The following KCNIP4 variants were observed in gnomAD, a reference collection of about 807,000 sequenced individuals.
KCNIP4 encodes Kv channel-interacting protein 4.
A neutral mutation model predicts 34.0 loss-of-function variants in KCNIP4; 12 were observed. The ratio of observed to expected loss-of-function variants is 0.35; its 90% CI spans 0.23 to 0.57. KCNIP4 has a LOEUF of 0.57. Ranked by LOEUF, KCNIP4 falls within the 20% of genes least tolerant of loss-of-function variation. The probability of loss-of-function intolerance (pLI) is 0.83; values close to 1 mark genes in which losing one functional copy is unlikely to be tolerated. For missense variants in KCNIP4, 238 were observed against 311.7 expected (o/e 0.76, Z 1.78); for synonymous variants, 124 against 102.2 (o/e 1.21, Z -1.29).
At chr4:21,480,048 C>T (rs1278794449) in intron 1 of KCNIP4, among the ~76,000 whole-genome samples, 1 of 151,200 alleles carries the variant, frequency 6.6e-6, no homozygotes, top group Non-Finnish European at 1.5e-5. Flanking sequence ...AATTTGAAAG[C>T]AGATGAATTT....
intron 1 of KCNIP4, among the ~76,000 whole-genome samples, chr4:21,571,090 G>C (rs2109052202): frequency 6.6e-6 from 1 of 152,256 alleles, no homozygotes; most frequent in Non-Finnish European, 1.5e-5. Flanking sequence ...CAAGACTCAA[G>C]TGCCACCTGG....
chr4:21,383,239 G>T (rs988387917), intron 1 of KCNIP4, among the ~76,000 whole-genome samples: 1 of 152,080 alleles, frequency 6.6e-6, no homozygotes, highest in African/African-American at 2.4e-5. Context: ...AATTTCTGGT[G>T]TTTATGCCAC....
At chr4:21,815,348 G>A (rs1180539048) in intron 1 of KCNIP4, among the ~76,000 whole-genome samples, 3 of 152,152 alleles carry the variant, frequency 2.0e-5, no homozygotes, top group Non-Finnish European at 4.4e-5. Context: ...AAGAACATAT[G>A]TGATAATGTA....
chr4:20,936,642 T>A (rs918200334), intron 1 of KCNIP4, among the ~76,000 whole-genome samples: 1 of 152,134 alleles, frequency 6.6e-6, no homozygotes, highest in Non-Finnish European at 1.5e-5. Context: ...ACTCTCCATA[T>A]CCTATGAGTC....
At chr4:20,807,460 C>T (rs1217336175) in intron 3 of KCNIP4, among the ~76,000 whole-genome samples, 4 of 151,802 alleles carry the variant, frequency 2.6e-5, no homozygotes, top group Non-Finnish European at 5.9e-5. Flanking sequence ...CCATAAGACC[C>T]ATGAGTTGAG....
intron 1 of KCNIP4, among the ~76,000 whole-genome samples, chr4:21,751,146 A>G (rs1717124366): frequency 6.6e-6 from 1 of 152,186 alleles, no homozygotes; most frequent in Non-Finnish European, 1.5e-5. Context: ...TCCAAAGACC[A>G]AACATCCCCT....
chr4:20,965,056 G>T (rs1046921004), intron 1 of KCNIP4, among the ~76,000 whole-genome samples: 4 of 152,152 alleles, frequency 2.6e-5, no homozygotes, highest in Non-Finnish European at 2.9e-5. Context: ...ACATAAGAAT[G>T]TAATTAAGTT....
intron 1 of KCNIP4, among the ~76,000 whole-genome samples, chr4:21,908,308 C>G (rs1728110265): frequency 6.6e-6 from 1 of 151,848 alleles, no homozygotes; most frequent in African/African-American, 2.4e-5. Context: ...CTCCAAGAGG[C>G]AACATTCTTG....
chr4:20,850,877 G>T (rs985618784), intron 2 of KCNIP4: 4 of 432,784 alleles, frequency 9.2e-6, no homozygotes, highest in African/African-American at 5.8e-5. Flanking sequence ...GCATATTCTT[G>T]TCATTAATGT....
At chr4:21,879,243 C>G (rs1414538380) in intron 1 of KCNIP4, among the ~76,000 whole-genome samples, 3 of 152,100 alleles carry the variant, frequency 2.0e-5, no homozygotes, top group Non-Finnish European at 2.9e-5. Flanking sequence ...TGTCATAAGG[C>G]AAAAAAGTTT....
At chr4:21,748,805 T>C (rs909544541) in intron 1 of KCNIP4, among the ~76,000 whole-genome samples, 8 of 152,104 alleles carry the variant, frequency 5.3e-5, no homozygotes, top group African/African-American at 1.9e-4. Context: ...GTGTTTCTGA[T>C]TGAAAAAAAT....
At chr4:21,123,276 T>C (rs1379771337) in intron 1 of KCNIP4, among the ~76,000 whole-genome samples, 1 of 152,204 alleles carries the variant, frequency 6.6e-6, no homozygotes, top group African/African-American at 2.4e-5. Flanking sequence ...CTCATTTATA[T>C]TTATTGAATG....
intron 1 of KCNIP4, among the ~76,000 whole-genome samples, chr4:21,939,131 A>G (rs577801547): frequency 6.6e-6 from 1 of 152,280 alleles, no homozygotes; most frequent in African/African-American, 2.4e-5. Flanking sequence ...CAATTCTTCT[A>G]ACAAGTTAGT....
intron 1 of KCNIP4, among the ~76,000 whole-genome samples, chr4:21,562,407 T>C (rs1316715902): frequency 1.3e-5 from 2 of 152,006 alleles, no homozygotes; most frequent in African/African-American, 4.8e-5. Flanking sequence ...AGAATGCACA[T>C]ATGAGCACAT....
intron 1 of KCNIP4, among the ~76,000 whole-genome samples, chr4:21,194,150 CTTACT>C (rs1409227819): frequency 1.3e-5 from 2 of 152,054 alleles, no homozygotes; most frequent in Non-Finnish European, 2.9e-5. Flanking sequence ...AACAGTCTTC[CTTACT>C]TTAAATGTTT....
chr4:21,900,042 G>A (rs1040764110), intron 1 of KCNIP4, among the ~76,000 whole-genome samples: 1 of 151,894 alleles, frequency 6.6e-6, no homozygotes, highest in African/African-American at 2.4e-5. Context: ...AACCAAAACA[G>A]CATGGTACTA....
intron 1 of KCNIP4, among the ~76,000 whole-genome samples, chr4:20,921,025 C>T (rs550196793): frequency 6.6e-6 from 1 of 151,770 alleles, no homozygotes; most frequent in Admixed American, 6.6e-5. Flanking sequence ...ATAAGCTTTG[C>T]CACAGGATAG....
At chr4:21,198,719 A>T (rs1756244318) in intron 1 of KCNIP4, among the ~76,000 whole-genome samples, 1 of 152,182 alleles carries the variant, frequency 6.6e-6, no homozygotes, top group Non-Finnish European at 1.5e-5. Context: ...GAGCCTGTGC[A>T]TCATGTGGCA....
At chr4:21,488,451 C>G (rs1732101521) in intron 1 of KCNIP4, among the ~76,000 whole-genome samples, 1 of 151,930 alleles carries the variant, frequency 6.6e-6, no homozygotes, top group Non-Finnish European at 1.5e-5. Flanking sequence ...TTTTCTTAAG[C>G]CTGGGAGAAA....
Sources: gnomAD v4.1 joint callset for allele counts (sites outside exome capture counted in the v4.1 genomes callset) on GRCh38, gnomAD v4.1.1 for gene constraint, MANE v1.5 for transcripts, NCBI Gene and HGNC (gene_info 2026-07-23, HGNC 2026-07-21) for gene names.